TPPP: variants seen among roughly 807,000 people sequenced by gnomAD.
TPPP encodes the protein tubulin polymerization promoting protein.
A neutral mutation model predicts 15.5 loss-of-function variants in TPPP; 6 were observed. The observed-to-expected ratio is 0.39, with a 90% CI of 0.21 to 0.77. The LOEUF is 0.77. TPPP is among the 30% of genes least tolerant of loss of function. TPPP has a pLI of 0.42. For synonymous variants in TPPP, 146 were observed against 133.9 expected (o/e 1.09, Z -0.63); for missense variants, 269 against 307.2 (o/e 0.88, Z 0.93).
intron 1 of TPPP, among the ~76,000 whole-genome samples, chr5:683,807 G>A (rs1229165015): frequency 6.6e-6 from 1 of 152,294 alleles, no homozygotes; most frequent in Admixed American, 6.5e-5. Context: ...CCTGCAGGTG[G>A]GAGTGCATGC....
intron 2 of TPPP, among the ~76,000 whole-genome samples, chr5:670,268 C>T (rs906724576): frequency 2.0e-5 from 3 of 152,106 alleles, no homozygotes; most frequent in African/African-American, 7.3e-5. Context: ...AATGCCCTCC[C>T]ATGGTGCCCT....
chr5:683,430 C>T lies in TPPP; in HGVS notation c.-4-5366G>A, dbSNP rs560925351. Among the ~76,000 whole-genome samples the T allele has an allele frequency of 3.9e-5, 6 of 152,346 alleles. No homozygotes were observed. In the South Asian group the frequency reaches 1.2e-3, roughly 32 times the overall value. The stretch of plus-strand genomic sequence containing the variant: ...TCTGTTAACTCAGGTTCCCAGGAGC[C>T]CCGCGTGCTTCTGCCTGGCAGGAGC... On this transcript the variant is annotated intron_variant, in intron 1 of 3. Transcript: ENST00000360578.
chr5:673,226 C>T (rs1393813514), intron 2 of TPPP, among the ~76,000 whole-genome samples: 2 of 152,218 alleles, frequency 1.3e-5, no homozygotes, highest in East Asian at 1.9e-4. Flanking sequence ...TCTCTAGTGT[C>T]CCCAACGCCT....
the TPPP span, among the ~76,000 whole-genome samples, chr5:700,350 C>G: frequency 6.6e-6 from 1 of 151,960 alleles, no homozygotes; most frequent in Non-Finnish European, 1.5e-5. Context: ...AAGTCAAATA[C>G]CACATGTTCT....
At chr5:668,809 C>T (rs1253755589) in intron 2 of TPPP, among the ~76,000 whole-genome samples, 1 of 152,242 alleles carries the variant, frequency 6.6e-6, no homozygotes, top group Non-Finnish European at 1.5e-5. Flanking sequence ...GACCACAGTG[C>T]TGTGATGTGT....
chr5:663,764 G>A lies in TPPP; in HGVS notation c.*1338C>T, dbSNP rs182484555. The A allele has an allele frequency of 0.011, 1,644 of 152,600 alleles. 16 individuals are homozygous for A. The highest frequency in any genetic ancestry group is 0.015 in the Non-Finnish European group (992 of 68,188). The allele number at this position is 152,600 out of a possible 1,614,324, so 9.5% of individuals were successfully genotyped here. On this transcript the variant is annotated 3_prime_UTR_variant, in exon 4 of 4. Coordinates refer to ENST00000360578, the MANE Select transcript of TPPP (RefSeq NM_007030.3). ...CCACGGGCTAACAGGCTCTGGAAAA[G>A]TTTCCCCAGGACTGCCGCAGGCTCA...
In TPPP at chr5:666,080, C is replaced by T; in HGVS notation, c.355G>A (p.Ala119Thr). The T allele has an allele frequency of 6.2e-7, 1 of 1,612,404 alleles. No individual in the cohort carries two copies. Among genetic ancestry groups the T allele is most frequent in the Non-Finnish European group, 8.5e-7 (1 of 1,179,830 alleles). Residue 119 changes from alanine (A) to threonine (T), a missense_variant, in exon 3 of 4, where the codon GCG becomes ACG. Ala to Thr is a moderately conservative substitution (Grantham distance 58). Coordinates refer to ENST00000360578, the MANE Select transcript of TPPP (RefSeq NM_007030.3). ...RTITFEQFQE[A>T]LEELAKKRFK... ...CGCTTCTTGGCGAGCTCCTCCAGCGCCTCCTGGAACTGCTCAAAGGTGATG... is the reference window on the plus strand; with the variant it reads ...CGCTTCTTGGCGAGCTCCTCCAGCGTCTCCTGGAACTGCTCAAAGGTGATG...
At chr5:681,922 A>G (rs943154128) in intron 1 of TPPP, among the ~76,000 whole-genome samples, 1 of 152,102 alleles carries the variant, frequency 6.6e-6, no homozygotes, top group African/African-American at 2.4e-5. Context: ...GTGTGTCACC[A>G]GCTCCAAGGA....
intron 1 of TPPP, among the ~76,000 whole-genome samples, chr5:683,384 CCA>C (rs1236371579): frequency 6.6e-6 from 1 of 152,202 alleles, no homozygotes; most frequent in African/African-American, 2.4e-5. Context: ...GGCACGCACG[CCA>C]CACACTCAAC....
intron 1 of TPPP, among the ~76,000 whole-genome samples, chr5:692,021 A>G (rs1740890899): frequency 9.6e-6 from 1 of 104,014 alleles, no homozygotes; most frequent in Non-Finnish European, 1.9e-5. Flanking sequence ...TCAAAACAGC[A>G]GCCTCCCAAC....
chr5:700,170 A>G, the TPPP span, among the ~76,000 whole-genome samples: 2 of 152,014 alleles, frequency 1.3e-5, no homozygotes, highest in Non-Finnish European at 2.9e-5. Flanking sequence ...TATTCACAAC[A>G]GAAAAGAAAA....
intron 2 of TPPP, among the ~76,000 whole-genome samples, chr5:672,234 G>A (rs1740248468): frequency 1.3e-5 from 2 of 152,300 alleles, no homozygotes; most frequent in Middle Eastern, 3.4e-3. Context: ...AGGCTCAGCA[G>A]CCCTCCACGC....
At chr5:678,765 G>A (rs182492383) in intron 1 of TPPP, among the ~76,000 whole-genome samples, 25 of 152,286 alleles carry the variant, frequency 1.6e-4, no homozygotes, top group African/African-American at 5.3e-4. Flanking sequence ...GCGCAGGGAC[G>A]CCCTCTGGAC....
At chr5:670,863 G>A (rs1333645243) in intron 2 of TPPP, among the ~76,000 whole-genome samples, 2 of 152,198 alleles carry the variant, frequency 1.3e-5, no homozygotes, top group Admixed American at 6.5e-5. Flanking sequence ...ACCAGCAGCT[G>A]AGCACCTGGG....
intron 2 of TPPP, among the ~76,000 whole-genome samples, chr5:670,560 G>C (rs571326911): frequency 6.6e-6 from 1 of 152,074 alleles, no homozygotes; most frequent in African/African-American, 2.4e-5. Context: ...TGGGCCCCAC[G>C]GGGGGAGGGG....
At chr5:698,575 G>A in the TPPP span, among the ~76,000 whole-genome samples, 1 of 151,956 alleles carries the variant, frequency 6.6e-6, no homozygotes, top group Non-Finnish European at 1.5e-5. Flanking sequence ...GCAAGAGAGA[G>A]GGTGAAAGCC....
chr5:684,868 G>A (rs890791125), intron 1 of TPPP, among the ~76,000 whole-genome samples: 4 of 152,164 alleles, frequency 2.6e-5, no homozygotes, highest in Non-Finnish European at 4.4e-5. Flanking sequence ...GAACAAAGCC[G>A]GCAGTTTTGA....
chr5:670,976 C>T (rs1426792934), intron 2 of TPPP, among the ~76,000 whole-genome samples: 1 of 152,212 alleles, frequency 6.6e-6, no homozygotes, highest in Admixed American at 6.5e-5. Flanking sequence ...TGGATGGCAA[C>T]GTCCACTGGG....
chr5:661,962 G>A lies in TPPP; in HGVS notation c.*3140C>T, dbSNP rs1187733218. 1 of 152,108 alleles carries A rather than the reference G, an allele frequency of 6.6e-6. No homozygotes were observed. Among genetic ancestry groups the A allele is most frequent in the Admixed American group, 6.5e-5 (1 of 15,270 alleles). The allele number at this position is 152,108 out of a possible 1,614,324, so 9.4% of individuals were successfully genotyped here. ...CCAACCCTGGAAGTGTGGAGGGAGAGTGGGGGCGTGGGGCCTCTCCCTCCA... is the reference window on the plus strand; with the variant it reads ...CCAACCCTGGAAGTGTGGAGGGAGAATGGGGGCGTGGGGCCTCTCCCTCCA... On this transcript the variant is annotated 3_prime_UTR_variant, in exon 4 of 4. Transcript: ENST00000360578.
Sources: allele counts gnomAD v4.1 joint callset (sites outside exome capture counted in the v4.1 genomes callset), GRCh38; gene constraint gnomAD v4.1.1; transcripts MANE v1.5; gene names NCBI Gene and HGNC (gene_info 2026-07-23, HGNC 2026-07-21).